The following BRD10 variants were observed in gnomAD, a reference collection of about 807,000 sequenced individuals.
The protein encoded by BRD10 is uncharacterized bromodomain-containing protein 10.
the BRD10 span, among the ~76,000 whole-genome samples, chr9:5,973,267 G>T: frequency 6.6e-6 from 1 of 152,128 alleles, no homozygotes; most frequent in Non-Finnish European, 1.5e-5. Flanking sequence ...AGAAGTTTGA[G>T]ACCAGCCTGG....
At chr9:5,879,691 T>C in the BRD10 span, among the ~76,000 whole-genome samples, 1 of 152,094 alleles carries the variant, frequency 6.6e-6, no homozygotes, top group Non-Finnish European at 1.5e-5. Context: ...TTAAATGAGC[T>C]CAGGGATGAC....
chr9:5,931,606 CTTTCTT>C, the BRD10 span, among the ~76,000 whole-genome samples: 3 of 152,054 alleles, frequency 2.0e-5, no homozygotes, highest in East Asian at 3.9e-4. Context: ...GCCTTCTTCT[CTTTCTT>C]TATGTATTTT....
At chr9:5,903,329 A>T in the BRD10 span, among the ~76,000 whole-genome samples, 1 of 152,214 alleles carries the variant, frequency 6.6e-6, no homozygotes, top group Admixed American at 6.5e-5. Context: ...GATGTCTATT[A>T]TATCTAGTTA....
chr9:5,962,164 G>A, the BRD10 span, among the ~76,000 whole-genome samples: 1 of 151,864 alleles, frequency 6.6e-6, no homozygotes, highest in Non-Finnish European at 1.5e-5. Context: ...CCGCTAGCAA[G>A]ACTAATAAAG....
the BRD10 span, among the ~76,000 whole-genome samples, chr9:5,963,489 T>C: frequency 1.4e-5 from 2 of 146,456 alleles, no homozygotes; most frequent in Non-Finnish European, 3.0e-5. Flanking sequence ...CCCAAGGTAA[T>C]TTACAGATTC....
At chr9:5,888,987 C>G in the BRD10 span, among the ~76,000 whole-genome samples, 1 of 152,124 alleles carries the variant, frequency 6.6e-6, no homozygotes, top group East Asian at 1.9e-4. Context: ...TGAGAAGAAG[C>G]TCCAAAGCAC....
the BRD10 span, chr9:5,922,036 T>C: frequency 6.2e-7 from 1 of 1,614,034 alleles, no homozygotes; most frequent in Non-Finnish European, 8.5e-7. Flanking sequence ...GCACCAGAAA[T>C]GCCTGCAGCT....
chr9:5,914,411 T>TG, the BRD10 span, among the ~76,000 whole-genome samples: 1 of 9,520 alleles, frequency 1.1e-4, no homozygotes, highest in Non-Finnish European at 2.5e-4. Context: ...ATCCAGATGG[T>TG]TTTTTTTTTT....
the BRD10 span, chr9:5,909,535 GGCGTGA>G: frequency 6.6e-6 from 1 of 152,312 alleles, no homozygotes; most frequent in Non-Finnish European, 1.5e-5. Context: ...TGGAATTACA[GGCGTGA>G]GCCACCACGC....
the BRD10 span, among the ~76,000 whole-genome samples, chr9:5,980,090 T>A: frequency 6.6e-6 from 1 of 152,022 alleles, no homozygotes; most frequent in South Asian, 2.1e-4. Flanking sequence ...AAACAAGGTA[T>A]ACAAAATATT....
chr9:5,964,441 C>G, the BRD10 span, among the ~76,000 whole-genome samples: 1 of 150,334 alleles, frequency 6.7e-6, no homozygotes, highest in Non-Finnish European at 1.5e-5. Context: ...AATAGGAACA[C>G]TTTTACACTG....
chr9:5,934,853 TA>T, the BRD10 span, among the ~76,000 whole-genome samples: 1 of 152,194 alleles, frequency 6.6e-6, no homozygotes, highest in Non-Finnish European at 1.5e-5. Flanking sequence ...AAAAACAGTA[TA>T]TAATAAACTG....
the BRD10 span, among the ~76,000 whole-genome samples, chr9:5,947,393 T>C: frequency 6.6e-6 from 1 of 152,126 alleles, no homozygotes. Flanking sequence ...TGGAACATTC[T>C]GGTACCATGG....
At chr9:5,897,868 A>C in the BRD10 span, among the ~76,000 whole-genome samples, 1 of 152,196 alleles carries the variant, frequency 6.6e-6, no homozygotes, top group Admixed American at 6.5e-5. Flanking sequence ...CCTGTGTCTT[A>C]GTCTGTGATT....
the BRD10 span, chr9:5,921,315 T>C: frequency 3.1e-6 from 5 of 1,613,950 alleles, 1 homozygote; most frequent in Admixed American, 8.3e-5. Flanking sequence ...GATGAATTTA[T>C]TTTTATTGGT....
the BRD10 span, among the ~76,000 whole-genome samples, chr9:5,990,104 G>A: frequency 6.6e-6 from 1 of 152,082 alleles, no homozygotes; most frequent in Non-Finnish European, 1.5e-5. Flanking sequence ...AAGAATTTGG[G>A]CTAATCTAGC....
the BRD10 span, chr9:5,919,728 A>G: frequency 6.2e-7 from 1 of 1,612,912 alleles, no homozygotes; most frequent in South Asian, 1.1e-5. Flanking sequence ...GACGACTGAA[A>G]AGCAGGGAAG....
the BRD10 span, among the ~76,000 whole-genome samples, chr9:5,892,880 G>C: frequency 1.3e-5 from 2 of 152,130 alleles, no homozygotes; most frequent in African/African-American, 4.8e-5. Flanking sequence ...CTCAATCCTT[G>C]TTCTGTCTCC....
the BRD10 span, chr9:5,988,436 T>C: frequency 6.2e-7 from 1 of 1,613,990 alleles, no homozygotes; most frequent in Non-Finnish European, 8.5e-7. Flanking sequence ...CCTGCCAAAC[T>C]TCGCGGTGTT....
Sources: allele counts gnomAD v4.1 joint callset (sites outside exome capture counted in the v4.1 genomes callset), GRCh38; gene constraint gnomAD v4.1.1; transcripts MANE v1.5; gene names NCBI Gene and HGNC (gene_info 2026-07-23, HGNC 2026-07-21).